The following COX15 variants were observed in gnomAD, a reference collection of about 807,000 sequenced individuals.
COX15 encodes the protein heme A synthase COX15.
COX15 carries 51 observed loss-of-function variants against 51.9 expected under a neutral mutation model. The observed-to-expected ratio is 0.98, with a 90% CI of 0.78 to 1.24. COX15 has a LOEUF of 1.24. COX15 is among the 50% of genes most tolerant of loss of function. COX15 has a pLI of 0.00. For synonymous variants in COX15, 188 were observed against 190.5 expected (o/e 0.99, Z 0.11); for missense variants, 420 against 501.1 (o/e 0.84, Z 1.55).
intron 4 of COX15, 116 bp from the exon 5 acceptor site, chr10:99,724,239 G>C: frequency 8.3e-7 from 1 of 1,198,834 alleles, no homozygotes; most frequent in Middle Eastern, 2.7e-4. Flanking sequence ...CTGGAGTGCA[G>C]TGGCGGGATC....
intron 8 of COX15, 134 bp downstream of exon 8, chr10:99,716,213 TG>T (rs1467408762): frequency 1.1e-5 from 8 of 719,730 alleles, no homozygotes; most frequent in Non-Finnish European, 1.8e-5. Context: ...AGGCTAGTCT[TG>T]AATTCCTGGC....
At chr10:99,696,699 G>C in the COX15 span, among the ~76,000 whole-genome samples, 2 of 152,184 alleles carry the variant, frequency 1.3e-5, no homozygotes, top group Non-Finnish European at 2.9e-5. Flanking sequence ...AACAGTGGTG[G>C]GATTTCTTGT....
At chr10:99,702,408 GTAGGTCT>G in the COX15 span, 2 of 959,152 alleles carry the variant, frequency 2.1e-6, no homozygotes, top group East Asian at 5.6e-5. Context: ...GCGGGAGGAG[GTAGGTCT>G]TTTAATAACT....
At position 99,711,251 on chromosome 10, in the gene COX15, G is replaced by T; in HGVS notation, c.*3336C>A. The T allele has an allele frequency of 4.1e-6, 4 of 985,302 alleles. No homozygotes were observed. Among genetic ancestry groups the T allele is most frequent in the Non-Finnish European group, 4.8e-6 (4 of 829,858 alleles). The allele number at this position is 985,302 out of a possible 1,614,324, so 61.0% of individuals were successfully genotyped here. Reference sequence around the variant, plus strand: ...ACATCTGAAACCTTAACTTACTCATGAGTTGCTACTTCCTTGGAGGCAACT... The same window carrying T: ...ACATCTGAAACCTTAACTTACTCATTAGTTGCTACTTCCTTGGAGGCAACT... On this transcript the variant is annotated 3_prime_UTR_variant, in exon 9 of 9. Coordinates refer to ENST00000016171, the MANE Select transcript of COX15 (RefSeq NM_078470.6).
In COX15 at chr10:99,727,225, G is replaced by A. The variant is rs1205255954; in HGVS notation, c.396-71C>T. On this transcript the variant is annotated intron_variant, in intron 3 of 8. Transcript: ENST00000016171. ...TCTGATTTTTATTTTCTTACGGAATGCAAAACCTTTCTTTCTCAGTCCTGC... is the reference window on the plus strand; with the variant it reads ...TCTGATTTTTATTTTCTTACGGAATACAAAACCTTTCTTTCTCAGTCCTGC... The A allele has an allele frequency of 1.9e-6, 3 of 1,557,952 alleles. No homozygotes were observed. In the Admixed American group the frequency reaches 5.2e-5, roughly 27 times the overall value.
downstream of COX15, chr10:99,710,840 T>A: frequency 1.0e-6 from 1 of 985,456 alleles, no homozygotes; most frequent in Non-Finnish European, 1.2e-6. Context: ...CAGTCTAAGT[T>A]ACAGACAAAA....
At chr10:99,730,327 G>A (rs1323579452) in intron 1 of COX15, among the ~76,000 whole-genome samples, 3 of 152,192 alleles carry the variant, frequency 2.0e-5, no homozygotes, top group African/African-American at 7.2e-5. Flanking sequence ...ATTCACACCT[G>A]TAATCCCAGC....
chr10:99,695,845 A>T, the COX15 span: 9 of 968,970 alleles, frequency 9.3e-6, no homozygotes, highest in Non-Finnish European at 1.0e-5. Context: ...AATGCTTAAG[A>T]TGTTTTAAAG....
intron 1 of COX15, among the ~76,000 whole-genome samples, chr10:99,730,179 C>G (rs2037091814): frequency 6.6e-6 from 1 of 152,168 alleles, no homozygotes. Flanking sequence ...CTGGAAAGCC[C>G]TTAATACACT....
At chr10:99,698,706 A>G in the COX15 span, 1 of 1,614,184 alleles carries the variant, frequency 6.2e-7, no homozygotes, top group Non-Finnish European at 8.5e-7. Context: ...TCGCTCCAAC[A>G]CCAGCCAGGC....
chr10:99,713,169 T>C lies in COX15; in HGVS notation c.*1418A>G. 7.4e-7 allele frequency: 1 copy of C among 1,360,240 alleles called. No individual in the cohort carries two copies. Among genetic ancestry groups the C allele is most frequent in the Non-Finnish European group, 9.5e-7 (1 of 1,052,256 alleles). The allele number at this position is 1,360,240 out of a possible 1,614,324, so 84.3% of individuals were successfully genotyped here. A position where few individuals can be genotyped will look rare whatever the true frequency, so the allele number is the denominator to read the frequency against. On this transcript the variant is annotated 3_prime_UTR_variant, in exon 9 of 9. Coordinates refer to ENST00000016171, the MANE Select transcript of COX15 (RefSeq NM_078470.6). The stretch of plus-strand genomic sequence containing the variant: ...TACCACTAATTTTTCTGTTATCATA[T>C]AATAACAACATGAATACTACTTGGT...
chr10:99,702,421 T>A, the COX15 span: 2 of 1,159,238 alleles, frequency 1.7e-6, no homozygotes, highest in Non-Finnish European at 1.2e-6. Flanking sequence ...GGTCTTTTAA[T>A]AACTTGTGGG....
chr10:99,708,489 G>T (rs1016902480), downstream of COX15, among the ~76,000 whole-genome samples: 3 of 152,178 alleles, frequency 2.0e-5, no homozygotes, highest in African/African-American at 7.2e-5. Flanking sequence ...CCCCAGGCCA[G>T]TCACTTACCA....
rs760630037 is a variant in COX15, at chr10:99,727,554, C to T, written c.282G>A (p.Glu94=). Residue 94 remains glutamate, a synonymous_variant, in exon 3 of 9, where the codon GAG becomes GAA. Transcript: ENST00000016171. ...GCCAATCTACCATCGAGAGGCCAGACTCTGTCAACCTTAGGATAGGAAAGA... is the reference window on the plus strand; with the variant it reads ...GCCAATCTACCATCGAGAGGCCAGATTCTGTCAACCTTAGGATAGGAAAGA... The part of the protein sequence containing the change: ...VILGGVTRLT[E]SGLSMVDWHL... 2.5e-6 allele frequency: 4 copies of T among 1,613,582 alleles called. No individual in the cohort carries two copies. Among genetic ancestry groups the T allele is most frequent in the East Asian group, 2.2e-5 (1 of 44,878 alleles).
intron 2 of COX15, among the ~76,000 whole-genome samples, chr10:99,729,211 T>C (rs2236278): frequency 0.88 from 133,697 of 152,192 alleles, 58,891 homozygotes; most frequent in African/African-American, 0.93. Flanking sequence ...CCTGTAATCC[T>C]GGCACTTTGG....
the COX15 span, chr10:99,702,454 A>G: frequency 1.4e-6 from 2 of 1,436,902 alleles, no homozygotes; most frequent in Non-Finnish European, 1.9e-6. Flanking sequence ...CTTATTGCAA[A>G]GGAAAGTATT....
Position 99,714,737 on chromosome 10 carries a change from G to A in COX15, c.1102-19C>T, listed in dbSNP as rs908192787. The stretch of plus-strand genomic sequence containing the variant: ...AGCCCACCTGTCACAAAGGAAAGAA[G>A]GCAATAGGAAAGGCAGTAACCCAAA... On this transcript the variant is annotated intron_variant, in intron 8 of 8. Transcript: ENST00000016171. The A allele has an allele frequency of 1.2e-6, 2 of 1,612,064 alleles. No homozygotes were observed. The highest frequency in any genetic ancestry group is 2.2e-5 in the East Asian group (1 of 44,882).
At chr10:99,723,770 G>C (rs891587083) in intron 5 of COX15, among the ~76,000 whole-genome samples, 186 bp downstream of exon 5, 2 of 152,122 alleles carry the variant, frequency 1.3e-5, no homozygotes, top group Non-Finnish European at 2.9e-5. Flanking sequence ...GAGGTAAAGC[G>C]ACTGGGATAT....
At position 99,727,094 on chromosome 10, in the gene COX15, G is replaced by A; in HGVS notation, c.456C>T (p.His152=). 1 of 1,614,196 alleles carries A rather than the reference G, an allele frequency of 6.2e-7. No homozygotes were observed. Among genetic ancestry groups the A allele is most frequent in the Non-Finnish European group, 8.5e-7 (1 of 1,180,032 alleles). The change falls in exon 4 of 9, where the codon CAC becomes CAT. Residue 152 remains histidine, a synonymous_variant. Transcript: ENST00000016171. ...GGCCTACAAGGCGACCCCACATTCG[G>A]TGTGAGTACTCCATGTACCAGATGA... is the stretch of plus-strand genomic sequence containing the variant. ...FKFIWYMEYS[H]RMWGRLVGLV...
Sources: allele counts gnomAD v4.1 joint callset (sites outside exome capture counted in the v4.1 genomes callset), GRCh38; gene constraint gnomAD v4.1.1; transcripts MANE v1.5; gene names NCBI Gene and HGNC (gene_info 2026-07-23, HGNC 2026-07-21).